Variants in C1orf198 observed in about 807,000 individuals in gnomAD.
The protein encoded by C1orf198 is uncharacterized protein C1orf198.
Under a neutral mutation model 31.4 loss-of-function variants are expected in C1orf198, and 17 were observed. The observed-to-expected ratio is 0.54, with a 90% CI of 0.37 to 0.81. The LOEUF is 0.81. C1orf198 is among the 40% of genes least tolerant of loss of function. The probability of loss-of-function intolerance (pLI) is 0.00; values close to 1 mark genes in which losing one functional copy is unlikely to be tolerated. For missense variants in C1orf198, 401 were observed against 450.3 expected, an observed-to-expected ratio of 0.89 and a Z score of 0.99; for synonymous variants, 175 against 193.8, an observed-to-expected ratio of 0.90 and a Z score of 0.81.
intron 2 of C1orf198, among the ~76,000 whole-genome samples, chr1:230,851,405 C>T (rs900911577): frequency 1.3e-5 from 2 of 152,186 alleles, no homozygotes; most frequent in Non-Finnish European, 2.9e-5. Flanking sequence ...TGAAGCAGGG[C>T]CTGACCTGCC....
chr1:230,855,557 G>T (rs558734538), intron 2 of C1orf198, 111 bp downstream of exon 2: 6 of 1,155,452 alleles, frequency 5.2e-6, no homozygotes, highest in African/African-American at 1.6e-5. Flanking sequence ...ATCCCCTGCA[G>T]CCTGGCAGTC....
At chr1:230,861,712 T>C (rs531870921) in intron 1 of C1orf198, among the ~76,000 whole-genome samples, 1 of 152,218 alleles carries the variant, frequency 6.6e-6, no homozygotes, top group East Asian at 1.9e-4. Context: ...GTGTTTCTGG[T>C]GTGTGGATGG....
intron 3 of C1orf198, among the ~76,000 whole-genome samples, chr1:230,842,767 G>A (rs1013008280): frequency 2.0e-5 from 3 of 150,304 alleles, no homozygotes; most frequent in South Asian, 2.1e-4. Flanking sequence ...AAAAAAAAGA[G>A]TGACCCACAA....
chr1:230,844,576 A>G (rs1347602552), intron 2 of C1orf198, among the ~76,000 whole-genome samples: 1 of 152,208 alleles, frequency 6.6e-6, no homozygotes, highest in Non-Finnish European at 1.5e-5. Context: ...GCAGCTCAAG[A>G]TATCTGAGTA....
intron 2 of C1orf198, among the ~76,000 whole-genome samples, chr1:230,845,378 G>A (rs1669560215): frequency 6.7e-6 from 1 of 149,658 alleles, no homozygotes; most frequent in African/African-American, 2.5e-5. Flanking sequence ...GCAAGACCCT[G>A]TCTCAAAAAA....
In C1orf198 at chr1:230,868,252, G is replaced by A. The variant is rs764498226; in HGVS notation, c.261C>T (p.Asp87=). The change falls in exon 1 of 4, where the codon GAC becomes GAT. Residue 87 remains aspartate, a synonymous_variant. Coordinates refer to ENST00000366663, the MANE Select transcript of C1orf198 (RefSeq NM_032800.3). Reference sequence around the variant, plus strand: ...CGGGGAAGCGCGTGAGCTCCTCCGAGTCCCCGGGGTCTCGGGGCGCCGGGG... The same window carrying A: ...CGGGGAAGCGCGTGAGCTCCTCCGAATCCCCGGGGTCTCGGGGCGCCGGGG... The part of the protein sequence containing the change: ...PRAPAPRDPG[D]SEELTRFPGL... 41 of 1,568,534 alleles carry A rather than the reference G, an allele frequency of 2.6e-5. No individual in the cohort carries two copies. The highest frequency in any genetic ancestry group is 1.8e-4 in the South Asian group (16 of 86,714).
chr1:230,865,401 T>C (rs1257017309), intron 1 of C1orf198, among the ~76,000 whole-genome samples: 1 of 152,204 alleles, frequency 6.6e-6, no homozygotes, highest in Non-Finnish European at 1.5e-5. Context: ...AGATCATATG[T>C]TCACACGTGG....
chr1:230,848,049 G>C lies in C1orf198; in HGVS notation c.385-4153C>G, dbSNP rs530434368. ...TTCAGGGGCGCTGCGGAAGGGAACC[G>C]GGCAGCACTTAGCTGGGTGTGACCT... On this transcript the variant is annotated intron_variant, in intron 2 of 3. Transcript: ENST00000366663. Among the ~76,000 whole-genome samples the C allele has an allele frequency of 5.3e-5, 8 of 152,160 alleles. No individual in the cohort carries two copies. The South Asian group carries it at 1.2e-3, about 24-fold the overall frequency.
chr1:230,852,252 C>T (rs1296486481), intron 2 of C1orf198, among the ~76,000 whole-genome samples: 2 of 152,010 alleles, frequency 1.3e-5, no homozygotes, highest in South Asian at 2.1e-4. Context: ...AGCTGTTGTT[C>T]GAGCACAGAA....
chr1:230,841,349 G>A (rs1310622433), intron 3 of C1orf198, among the ~76,000 whole-genome samples: 1 of 152,216 alleles, frequency 6.6e-6, no homozygotes, highest in African/African-American at 2.4e-5. Flanking sequence ...TCCTCGGGAG[G>A]ACAGCACGTG....
chr1:230,868,298 C>T lies in C1orf198; in HGVS notation c.215G>A (p.Arg72Gln). Residue 72 changes from arginine to glutamine, a missense_variant, in exon 1 of 4, where the codon CGG becomes CAG. Physicochemically the swap from Arg to Gln is conservative, Grantham distance 43. Transcript: ENST00000366663. ...CGGGGCGCGCGGCCCCACCAGGCACCGGTCGATGATCTCGTCCTGCTGCGC... is the reference window on the plus strand; with the variant it reads ...CGGGGCGCGCGGCCCCACCAGGCACTGGTCGATGATCTCGTCCTGCTGCGC... ...PPAQQDEIID[R>Q]CLVGPRAPAP... The T allele has an allele frequency of 6.3e-7, 1 of 1,597,660 alleles. No individual in the cohort carries two copies. The highest frequency in any genetic ancestry group is 8.5e-7 in the Non-Finnish European group (1 of 1,173,108).
intron 2 of C1orf198, among the ~76,000 whole-genome samples, chr1:230,855,418 T>C (rs1669849275): frequency 6.6e-6 from 1 of 152,184 alleles, no homozygotes; most frequent in Non-Finnish European, 1.5e-5. Context: ...ATGGGCATCA[T>C]GGGGCGTCAT....
At chr1:230,850,294 T>A (rs1359916352) in intron 2 of C1orf198, among the ~76,000 whole-genome samples, 1 of 152,242 alleles carries the variant, frequency 6.6e-6, no homozygotes, top group Non-Finnish European at 1.5e-5. Context: ...ATCTTCACTT[T>A]ATGCCATAGT....
chr1:230,868,083 C>G, intron 1 of C1orf198, 97 bp downstream of exon 1: 1 of 1,206,742 alleles, frequency 8.3e-7, no homozygotes, highest in Non-Finnish European at 1.1e-6. Context: ...CCAGCCCCTA[C>G]CAGCTGGGGC....
Position 230,839,890 on chromosome 1 carries a change from C to T in C1orf198, c.946G>A (p.Val316Ile), listed in dbSNP as rs529493243. The change falls in exon 4 of 4, where the codon GTC (valine) becomes ATC (isoleucine). Residue 316 changes from valine to isoleucine, a missense_variant. Val to Ile is a conservative substitution (Grantham distance 29). Coordinates refer to ENST00000366663, the MANE Select transcript of C1orf198 (RefSeq NM_032800.3). The part of the protein sequence containing the change: ...KFAQVSSSNV[V>I]LKTGFDFLDN... ...AGAAAATCAAATCCCGTCTTCAAGACGACATTACTTGAGCTGACCTGTAGA... is the reference window on the plus strand; with the variant it reads ...AGAAAATCAAATCCCGTCTTCAAGATGACATTACTTGAGCTGACCTGTAGA... The T allele has an allele frequency of 2.5e-5, 41 of 1,610,434 alleles. No individual in the cohort carries two copies. The highest frequency in any genetic ancestry group is 3.3e-4 in the Middle Eastern group (2 of 6,028).
chr1:230,856,083 G>A, intron 1 of C1orf198: 1 of 781,464 alleles, frequency 1.3e-6, no homozygotes, highest in East Asian at 8.0e-5. Flanking sequence ...GTGGCCATGG[G>A]AAGATGACTC....
rs182151613 is a variant in C1orf198, at chr1:230,843,766, C to T, written c.515G>A (p.Arg172Lys). The T allele has an allele frequency of 6.2e-7, 1 of 1,613,296 alleles. No individual in the cohort carries two copies. Among genetic ancestry groups the T allele is most frequent in the African/African-American group, 1.3e-5 (1 of 74,924 alleles). Residue 172 changes from arginine (R) to lysine (K), a missense_variant, in exon 3 of 4, where the codon AGG becomes AAG. Transcript: ENST00000366663. The surrounding 1 kb of genome is among the most constrained non-coding windows in gnomAD (Gnocchi z 4.9). Reference protein sequence around the residue: ...SQALKSSQGSRSSSLDALGPT... With the variant: ...SQALKSSQGSKSSSLDALGPT... Reference sequence around the variant, plus strand: ...GCCCAGGGCGTCCAGGCTGGAGGACCTGCTGCCTTGGGAGGACTTGAGGGC... The same window carrying T: ...GCCCAGGGCGTCCAGGCTGGAGGACTTGCTGCCTTGGGAGGACTTGAGGGC...
rs1352851379 is a variant in C1orf198, at chr1:230,843,837, G to A, written c.444C>T (p.Ala148=). The change falls in exon 3 of 4, where the codon GCC becomes GCT. Residue 148 remains alanine, a synonymous_variant. Coordinates refer to ENST00000366663, the MANE Select transcript of C1orf198 (RefSeq NM_032800.3). The surrounding 1 kb of genome is among the most constrained non-coding windows in gnomAD (Gnocchi z 4.9). ...TGGACAGTGGTCTGGGCTCGCTGGCGGCGGTGCCGTTGCTCGGCTCCTGGA... is the reference window on the plus strand; with the variant it reads ...TGGACAGTGGTCTGGGCTCGCTGGCAGCGGTGCCGTTGCTCGGCTCCTGGA... ...LSIQEPSNGT[A]ASEPRPLSKA... 1.5e-5 allele frequency: 23 copies of A among 1,552,136 alleles called. No individual in the cohort carries two copies. The highest frequency in any genetic ancestry group is 4.0e-5 in the Admixed American group (2 of 49,736).
At chr1:230,860,227 G>A (rs1017681285) in intron 1 of C1orf198, among the ~76,000 whole-genome samples, 6 of 152,206 alleles carry the variant, frequency 3.9e-5, no homozygotes, top group African/African-American at 1.4e-4. Context: ...TTGGTAGGAT[G>A]TGGAGGCACT....
Sources: allele counts gnomAD v4.1 joint callset (sites outside exome capture counted in the v4.1 genomes callset), GRCh38; gene constraint gnomAD v4.1.1; non-coding constraint Gnocchi (gnomAD v3.1); transcripts MANE v1.5; gene names NCBI Gene and HGNC (gene_info 2026-07-23, HGNC 2026-07-21).